Variants in DPP6 observed in about 807,000 individuals in gnomAD.
DPP6 encodes the protein A-type potassium channel modulatory protein DPP6.
DPP6 carries 69 observed loss-of-function variants against 122.6 expected under a neutral mutation model. The ratio of observed to expected loss-of-function variants is 0.56; its 90% CI spans 0.46 to 0.69. The LOEUF (loss-of-function observed/expected upper bound fraction) is 0.69. Among genes scored for constraint, DPP6 ranks in the 30% least tolerant of loss-of-function variants. The pLI is 0.00. For synonymous variants in DPP6, 418 were observed against 433.1 expected (o/e 0.97, Z 0.43); for missense variants, 928 against 1,116.9 (o/e 0.83, Z 2.41).
At chr7:154,825,618 A>C (rs545738526) in intron 16 of DPP6, among the ~76,000 whole-genome samples, 1 of 152,284 alleles carries the variant, frequency 6.6e-6, no homozygotes, top group South Asian at 2.1e-4. Flanking sequence ...TTGCTGCCTC[A>C]GTGTTGAGGA....
chr7:154,470,093 A>G (rs1822131383), intron 2 of DPP6, among the ~76,000 whole-genome samples: 2 of 152,252 alleles, frequency 1.3e-5, no homozygotes, highest in Admixed American at 1.3e-4. Flanking sequence ...TGTTCTAAAT[A>G]CAAAGACTGC....
In DPP6 at chr7:154,183,168, C is replaced by T. The variant is rs140039296; in HGVS notation, c.243+130105C>T. Among the ~76,000 whole-genome samples, 14 of 152,282 alleles carry T rather than the reference C, an allele frequency of 9.2e-5. No individual in the cohort carries two copies. In the East Asian group the frequency reaches 2.1e-3, roughly 23 times the overall value. On this transcript the variant is annotated intron_variant, in intron 1 of 25. Coordinates refer to ENST00000377770, the MANE Select transcript of DPP6 (RefSeq NM_130797.4). ...TCACTTTTCTCTTCCTCCTTTCTTGCCCCCTTTGGTTTCATGAAGCTGATT... is the reference window on the plus strand; with the variant it reads ...TCACTTTTCTCTTCCTCCTTTCTTGTCCCCTTTGGTTTCATGAAGCTGATT...
Position 154,889,464 on chromosome 7 carries a change from T to G in DPP6, c.2385T>G (p.Ile795Met). Residue 795 changes from isoleucine (I) to methionine (M), a missense_variant, in exon 25 of 26, where the codon ATT (isoleucine) becomes ATG (methionine). By Grantham distance (10) the Ile-to-Met change is conservative. Transcript: ENST00000377770. ...TTTTTTTTTTTTGCACAGAAAAAATTCATTTCCAGCACACAGCAGAACTCA... is the reference window on the plus strand; with the variant it reads ...TTTTTTTTTTTTGCACAGAAAAAATGCATTTCCAGCACACAGCAGAACTCA... The part of the protein sequence containing the change: ...LIIHPTADEK[I>M]HFQHTAELIT... 6.3e-7 allele frequency: 1 copy of G among 1,585,132 alleles called. No homozygotes were observed. Among genetic ancestry groups the G allele is most frequent in the Non-Finnish European group, 8.6e-7 (1 of 1,168,640 alleles).
intron 1 of DPP6, among the ~76,000 whole-genome samples, chr7:154,346,486 T>C (rs1810407591): frequency 1.3e-5 from 2 of 152,172 alleles, no homozygotes; most frequent in Non-Finnish European, 2.9e-5. Flanking sequence ...TTTGTATTTT[T>C]ATTAGAGACG....
chr7:154,188,224 G>A (rs184082095), intron 1 of DPP6, among the ~76,000 whole-genome samples: 4 of 152,114 alleles, frequency 2.6e-5, no homozygotes, highest in Admixed American at 2.6e-4. Context: ...CAAGGCATTC[G>A]GGAACCACTG....
chr7:154,450,171 C>A (rs1274984356), intron 2 of DPP6, among the ~76,000 whole-genome samples: 1 of 152,086 alleles, frequency 6.6e-6, no homozygotes, highest in Non-Finnish European at 1.5e-5. Context: ...GGAAGGCTGG[C>A]ATAAAAGGCC....
chr7:154,733,263 G>C (rs1586979549), intron 8 of DPP6, among the ~76,000 whole-genome samples: 2 of 152,340 alleles, frequency 1.3e-5, no homozygotes, highest in East Asian at 3.9e-4. Flanking sequence ...TCTTGAGTTG[G>C]AACTCAGAAT....
intron 1 of DPP6, among the ~76,000 whole-genome samples, chr7:153,902,672 T>C (rs1193531704): frequency 1.3e-5 from 2 of 151,944 alleles, no homozygotes; most frequent in Non-Finnish European, 2.9e-5. Context: ...CTGTCTCTAC[T>C]AAAAATACAA....
intron 1 of DPP6, among the ~76,000 whole-genome samples, chr7:154,181,374 A>G (rs995925820): frequency 1.4e-4 from 22 of 152,186 alleles, no homozygotes; most frequent in African/African-American, 5.3e-4. Flanking sequence ...CCGCCCCATC[A>G]TACTTCCTTG....
intron 10 of DPP6, among the ~76,000 whole-genome samples, chr7:154,774,211 A>G (rs1417489049): frequency 1.3e-5 from 2 of 152,144 alleles, no homozygotes; most frequent in Non-Finnish European, 2.9e-5. Flanking sequence ...TCACTGGGGT[A>G]TCAGCCCAAG....
At chr7:153,774,582 A>G in the DPP6 span, among the ~76,000 whole-genome samples, 4 of 152,198 alleles carry the variant, frequency 2.6e-5, no homozygotes, top group East Asian at 5.8e-4. Flanking sequence ...AAGGTTATCA[A>G]TTAAATACAT....
At chr7:153,916,832 CTGTG>C (rs904076145) in intron 1 of DPP6, among the ~76,000 whole-genome samples, 2 of 152,140 alleles carry the variant, frequency 1.3e-5, no homozygotes, top group South Asian at 2.1e-4. Flanking sequence ...TTTTATTACT[CTGTG>C]TGTGTATTTT....
chr7:154,605,936 T>C (rs1453648663), intron 5 of DPP6, among the ~76,000 whole-genome samples: 1 of 120,122 alleles, frequency 8.3e-6, no homozygotes, highest in Non-Finnish European at 1.9e-5. Flanking sequence ...TTTTTACTCA[T>C]GTGTTATTTT....
chr7:154,780,579 A>C (rs796588181), intron 10 of DPP6, among the ~76,000 whole-genome samples: 5 of 152,384 alleles, frequency 3.3e-5, no homozygotes, highest in African/African-American at 1.2e-4. Context: ...TAAAACACTG[A>C]AACACTGGAC....
In DPP6 at chr7:154,802,167, G is replaced by A. The variant is rs1408663816; in HGVS notation, c.1407+705G>A. On this transcript the variant is annotated intron_variant, in intron 13 of 25. Transcript: ENST00000377770. ...ATCTTGGATCTCCTCAGTTTTGGAG[G>A]CAGTCTAAAGTTATTTGGGATCAGG... Among the ~76,000 whole-genome samples, 6 of 152,278 alleles carry A rather than the reference G, an allele frequency of 3.9e-5. No homozygotes were observed. In the East Asian group the frequency reaches 9.7e-4, roughly 25 times the overall value.
chr7:154,500,462 A>G (rs1039724741), intron 3 of DPP6, among the ~76,000 whole-genome samples: 6 of 152,148 alleles, frequency 3.9e-5, no homozygotes, highest in African/African-American at 1.4e-4. Context: ...AATTCCCACA[A>G]TTTCCATGTG....
chr7:154,418,400 G>C (rs1408591328), intron 1 of DPP6, among the ~76,000 whole-genome samples: 2 of 152,194 alleles, frequency 1.3e-5, no homozygotes, highest in Non-Finnish European at 2.9e-5. Flanking sequence ...AAAGAACCTT[G>C]TTTACAGTAG....
intron 1 of DPP6, among the ~76,000 whole-genome samples, chr7:154,273,496 C>T (rs985258292): frequency 2.0e-5 from 3 of 152,132 alleles, no homozygotes; most frequent in Non-Finnish European, 4.4e-5. Flanking sequence ...CCATATATTG[C>T]GGTGATACAC....
At chr7:154,191,334 A>G (rs1242171874) in intron 1 of DPP6, among the ~76,000 whole-genome samples, 1 of 152,242 alleles carries the variant, frequency 6.6e-6, no homozygotes, top group Non-Finnish European at 1.5e-5. Flanking sequence ...GTAGGCAGAT[A>G]GACTTATTAA....
Sources: allele counts gnomAD v4.1 joint callset (sites outside exome capture counted in the v4.1 genomes callset), GRCh38; gene constraint gnomAD v4.1.1; transcripts MANE v1.5; gene names NCBI Gene and HGNC (gene_info 2026-07-23, HGNC 2026-07-21).